STK3: variants seen among roughly 807,000 people sequenced by gnomAD.
The protein encoded by STK3 is serine/threonine kinase 3.
Under a neutral mutation model 58.0 loss-of-function variants are expected in STK3, and 41 were observed. That is an observed-to-expected ratio of 0.71 (90% CI 0.55 to 0.92). STK3 has a LOEUF of 0.92. Ranked by LOEUF, STK3 falls within the 40% of genes least tolerant of loss-of-function variation. STK3 has a pLI of 0.00. For synonymous variants in STK3, 170 were observed against 191.0 expected (o/e 0.89, Z 0.91); for missense variants, 479 against 602.7 (o/e 0.79, Z 2.15).
At chr8:98,572,219 T>G (rs1813022399) in intron 8 of STK3, among the ~76,000 whole-genome samples, 1 of 152,214 alleles carries the variant, frequency 6.6e-6, no homozygotes, top group Non-Finnish European at 1.5e-5. Context: ...CTGCTTGTTG[T>G]GTAACTACCA....
rs113751471 is a variant in STK3, at chr8:98,611,127, T to C, written c.685-14958A>G. ...TCAGCACAGAGCTCCTGTGATTGAA[T>C]CACAATAAAACAATACACTAGTCCT... is the stretch of plus-strand genomic sequence containing the variant. On this transcript the variant is annotated intron_variant, in intron 6 of 10. Transcript: ENST00000419617. Among the ~76,000 whole-genome samples, 1,055 of 152,128 alleles carry C rather than the reference T, an allele frequency of 6.9e-3. 10 individuals are homozygous for C. The highest frequency in any genetic ancestry group is 0.023 in the African/African-American group (961 of 41,504).
intron 6 of STK3, among the ~76,000 whole-genome samples, chr8:98,651,280 T>C (rs1311050037): frequency 6.6e-6 from 1 of 152,010 alleles, no homozygotes; most frequent in Non-Finnish European, 1.5e-5. Context: ...CAGCTGAGGG[T>C]CCTGTCTGTA....
chr8:98,769,434 C>T (rs1831155511), intron 2 of STK3, among the ~76,000 whole-genome samples: 1 of 152,166 alleles, frequency 6.6e-6, no homozygotes, highest in Non-Finnish European at 1.5e-5. Flanking sequence ...CTCTCTTTGC[C>T]CGCTGCCATC....
chr8:98,743,246 GAA>G (rs201099118), intron 4 of STK3, among the ~76,000 whole-genome samples: 28 of 135,722 alleles, frequency 2.1e-4, no homozygotes, highest in East Asian at 4.2e-4. Context: ...AGTTCATATG[GAA>G]AAAAAAAAAA....
intron 6 of STK3, among the ~76,000 whole-genome samples, chr8:98,678,924 C>G (rs775495796): frequency 7.2e-5 from 11 of 152,166 alleles, no homozygotes; most frequent in Non-Finnish European, 1.0e-4. Context: ...TCCATTTCTG[C>G]CTTCCTGCTT....
intron 1 of STK3, among the ~76,000 whole-genome samples, chr8:98,896,109 T>A (rs1321997351): frequency 3.3e-5 from 5 of 152,188 alleles, no homozygotes; most frequent in African/African-American, 1.2e-4. Context: ...TCTTTATTAG[T>A]CATCTCTGCC....
intron 10 of STK3, among the ~76,000 whole-genome samples, chr8:98,509,281 A>G (rs1394866788): frequency 6.6e-6 from 1 of 152,056 alleles, no homozygotes; most frequent in Non-Finnish European, 1.5e-5. Context: ...AAATTTTATT[A>G]TATCTTTAAG....
chr8:98,356,563 G>C, the STK3 span, among the ~76,000 whole-genome samples: 1 of 152,144 alleles, frequency 6.6e-6, no homozygotes, highest in Non-Finnish European at 1.5e-5. Context: ...GAAAGCCAGG[G>C]GGGCTCCAGT....
At chr8:98,740,470 C>A (rs1169517489) in intron 4 of STK3, among the ~76,000 whole-genome samples, 1 of 152,086 alleles carries the variant, frequency 6.6e-6, no homozygotes, top group Non-Finnish European at 1.5e-5. Flanking sequence ...ATTTTTAAAC[C>A]AGAATTTCAT....
intron 1 of STK3, among the ~76,000 whole-genome samples, chr8:98,815,119 G>A (rs1468355417): frequency 6.6e-6 from 1 of 152,106 alleles, no homozygotes; most frequent in Non-Finnish European, 1.5e-5. Context: ...GATTATAGTG[G>A]GTCAAAGAGC....
chr8:98,573,463 G>A (rs1813128250), intron 8 of STK3, among the ~76,000 whole-genome samples: 1 of 151,720 alleles, frequency 6.6e-6, no homozygotes, highest in African/African-American at 2.4e-5. Flanking sequence ...TCACAAGAAC[G>A]GGGTGGTTGT....
At chr8:98,792,744 G>A (rs1482091578) in intron 1 of STK3, among the ~76,000 whole-genome samples, 1 of 152,098 alleles carries the variant, frequency 6.6e-6, no homozygotes, top group African/African-American at 2.4e-5. Context: ...ATTTGCTCCA[G>A]CAATCCCACT....
chr8:98,676,725 G>T (rs1474669402), intron 6 of STK3, among the ~76,000 whole-genome samples: 1 of 152,082 alleles, frequency 6.6e-6, no homozygotes, highest in East Asian at 1.9e-4. Flanking sequence ...CTGTACAACA[G>T]TGTAAATGTG....
At chr8:98,650,671 C>T (rs549733719) in intron 6 of STK3, among the ~76,000 whole-genome samples, 4 of 152,342 alleles carry the variant, frequency 2.6e-5, no homozygotes, top group South Asian at 4.1e-4. Context: ...TAAAAAACAG[C>T]GCACCAGGAG....
At chr8:98,479,076 T>G (rs925067571) in intron 10 of STK3, among the ~76,000 whole-genome samples, 2 of 152,188 alleles carry the variant, frequency 1.3e-5, no homozygotes, top group Non-Finnish European at 2.9e-5. Context: ...GATGACATAC[T>G]TCATCACTGT....
rs3085954 is a variant in STK3, at chr8:98,906,989, T to TAAAAAAAAAAAAAA, written c.-78-23169_-78-23156dup. Among the ~76,000 whole-genome samples, 67 of 94,764 alleles carry TAAAAAAAAAAAAAA rather than the reference T, an allele frequency of 7.1e-4. 4 individuals carry two copies. Among genetic ancestry groups the TAAAAAAAAAAAAAA allele is most frequent in the African/African-American group, 2.7e-3 (64 of 23,914 alleles). The allele number at this position is 94,764 out of a possible 152,430, so 62.2% of individuals were successfully genotyped here. A position where few individuals can be genotyped will look rare whatever the true frequency, so the allele number is the denominator to read the frequency against. ...ATAGGGATAACCCCATCTCTACCAA[T>TAAAAAAAAAAAAAA]AAAAAAAAAAAAAAAAAAATTAGCC... On this transcript the variant is annotated intron_variant, in intron 1 of 1. Coordinates refer to the STK3 transcript ENST00000519420.
chr8:98,653,927 C>G (rs1312343064), intron 6 of STK3, among the ~76,000 whole-genome samples: 1 of 152,176 alleles, frequency 6.6e-6, no homozygotes, highest in Admixed American at 6.5e-5. Flanking sequence ...GGTACCATTC[C>G]TTCTGAAACT....
chr8:98,564,299 G>T (rs1330216895), intron 8 of STK3, among the ~76,000 whole-genome samples: 1 of 152,064 alleles, frequency 6.6e-6, no homozygotes, highest in Non-Finnish European at 1.5e-5. Flanking sequence ...CCCTTTCTGT[G>T]CCTGGCTTAT....
At chr8:98,511,496 TA>T (rs1554607497) in intron 10 of STK3, among the ~76,000 whole-genome samples, 2 of 152,124 alleles carry the variant, frequency 1.3e-5, no homozygotes, top group Non-Finnish European at 2.9e-5. Flanking sequence ...GATGCTACCC[TA>T]AATACAAGAA....
Sources: gnomAD v4.1 joint callset for allele counts (sites outside exome capture counted in the v4.1 genomes callset) on GRCh38, gnomAD v4.1.1 for gene constraint, MANE v1.5 for transcripts, NCBI Gene and HGNC (gene_info 2026-07-23, HGNC 2026-07-21) for gene names.